Variants in RBFOX2 observed in about 807,000 individuals in gnomAD.
RBFOX2 encodes the protein RNA binding protein fox-1 homolog 2.
RBFOX2 carries 10 observed loss-of-function variants against 49.1 expected under a neutral mutation model. The ratio of observed to expected loss-of-function variants is 0.20; its 90% CI spans 0.13 to 0.35. The LOEUF (loss-of-function observed/expected upper bound fraction) is 0.35, where lower values mean the gene tolerates loss of function less well. Ranked by LOEUF, RBFOX2 falls within the 10% of genes least tolerant of loss-of-function variation. The probability of loss-of-function intolerance (pLI) is 1.00; values close to 1 mark genes in which losing one functional copy is unlikely to be tolerated. For synonymous variants in RBFOX2, 183 were observed against 187.4 expected (o/e 0.98, Z 0.19); for missense variants, 323 against 486.9 (o/e 0.66, Z 3.17).
At chr22:35,919,737 T>C (rs1449384060) in intron 1 of RBFOX2, among the ~76,000 whole-genome samples, 2 of 152,142 alleles carry the variant, frequency 1.3e-5, no homozygotes, top group African/African-American at 4.8e-5. Context: ...GGAGAGTATA[T>C]CACCTCCTTT....
chr22:35,997,927 G>A (rs1026780504), intron 1 of RBFOX2: 1 of 152,220 alleles, frequency 6.6e-6, no homozygotes, highest in African/African-American at 2.4e-5. Context: ...GCTTGAGCCT[G>A]AGAAGTCAAG....
At chr22:35,863,064 CTG>C (rs2043277090) in intron 1 of RBFOX2, among the ~76,000 whole-genome samples, 1 of 152,068 alleles carries the variant, frequency 6.6e-6, no homozygotes, top group African/African-American at 2.4e-5. Flanking sequence ...AACTAGGTAA[CTG>C]TGTTAGGAGG....
At chr22:35,940,266 G>A (rs977881749), upstream of RBFOX2, among the ~76,000 whole-genome samples, 4 of 152,124 alleles carry the variant, frequency 2.6e-5, no homozygotes, top group African/African-American at 9.7e-5. Flanking sequence ...ATAAATAAAT[G>A]GAGCTAAATA....
At chr22:35,902,801 C>T (rs950721031) in intron 1 of RBFOX2, among the ~76,000 whole-genome samples, 2 of 146,760 alleles carry the variant, frequency 1.4e-5, no homozygotes, top group Admixed American at 6.7e-5. Context: ...CATGCCACCA[C>T]GCCCAGCTAA....
At chr22:35,898,418 C>CTTT in intron 1 of RBFOX2, 1 of 377,330 alleles carries the variant, frequency 2.7e-6, no homozygotes, top group Non-Finnish European at 4.8e-6. Context: ...CTCCCACAAT[C>CTTT]CTTTTTTTTT....
chr22:35,738,821 T>A (rs1272286484), exon 12 of RBFOX2: 1 of 152,530 alleles, frequency 6.6e-6, no homozygotes, highest in African/African-American at 2.4e-5. Flanking sequence ...TTAGAGTTTA[T>A]AAAAGCCAGC....
chr22:35,756,078 C>T (rs751346425), intron 9 of RBFOX2, 27 bp downstream of exon 11: 7 of 1,339,052 alleles, frequency 5.2e-6, no homozygotes, highest in Admixed American at 2.9e-5. Context: ...GGGATGGGGT[C>T]GAGAAGGCCC....
intron 1 of RBFOX2, among the ~76,000 whole-genome samples, chr22:35,985,955 GA>G (rs1259885511): frequency 2.1e-5 from 3 of 143,330 alleles, no homozygotes; most frequent in Non-Finnish European, 3.1e-5. Context: ...TAGATAGATA[GA>G]GTCTTCCTCA....
intron 2 of RBFOX2, among the ~76,000 whole-genome samples, chr22:35,796,556 A>T (rs1948823568): frequency 6.6e-6 from 1 of 152,210 alleles, no homozygotes; most frequent in Admixed American, 6.5e-5. Context: ...TTGATAATAC[A>T]TCAAAACTTG....
upstream of RBFOX2, among the ~76,000 whole-genome samples, chr22:35,843,798 G>A (rs2040820617): frequency 6.6e-6 from 1 of 152,110 alleles, no homozygotes; most frequent in Non-Finnish European, 1.5e-5. Flanking sequence ...CAAAGTGCAT[G>A]GTTCCTAACA....
chr22:35,748,682 G>A (rs1016039896), intron 9 of RBFOX2: 1 of 152,012 alleles, frequency 6.6e-6, no homozygotes, highest in Admixed American at 6.6e-5. Flanking sequence ...TTACTCTTTA[G>A]TATTACTCCA....
intron 1 of RBFOX2, among the ~76,000 whole-genome samples, chr22:35,950,455 T>A (rs2054789601): frequency 1.3e-5 from 2 of 152,152 alleles, no homozygotes; most frequent in South Asian, 4.1e-4. Flanking sequence ...TTTCCCTCCA[T>A]CCTAGCTCCT....
rs556079837 is a variant in RBFOX2 at position 35,792,613 on chromosome 22, G to A, written c.253-10867C>T. On this transcript the variant is annotated intron_variant, in intron 2 of 11. Coordinates refer to ENST00000405409, the Ensembl canonical transcript of RBFOX2. Reference sequence around the variant, plus strand: ...TCTAATCTTGCAAACAACCGTAGGCGGAAGGAACTATTATCATCATTTTTA... The same window carrying A: ...TCTAATCTTGCAAACAACCGTAGGCAGAAGGAACTATTATCATCATTTTTA... Among the ~76,000 whole-genome samples the A allele has an allele frequency of 1.2e-4, 18 of 152,156 alleles. No individual in the cohort carries two copies. The South Asian group carries it at 2.5e-3, about 21-fold the overall frequency.
chr22:35,930,420 A>T (rs2052253704), intron 1 of RBFOX2, among the ~76,000 whole-genome samples: 1 of 152,178 alleles, frequency 6.6e-6, no homozygotes, highest in South Asian at 2.1e-4. Context: ...GCAAAGTAAT[A>T]ATATTTTGTT....
chr22:35,886,858 A>G (rs917057900), intron 1 of RBFOX2, among the ~76,000 whole-genome samples: 6 of 152,166 alleles, frequency 3.9e-5, no homozygotes, highest in Non-Finnish European at 5.9e-5. Flanking sequence ...AGAACCAAGA[A>G]GGAGAAAGGG....
intron 1 of RBFOX2, among the ~76,000 whole-genome samples, chr22:35,960,972 A>G (rs925909327): frequency 6.6e-6 from 1 of 152,136 alleles, no homozygotes; most frequent in African/African-American, 2.4e-5. Flanking sequence ...AAAAAAAAAA[A>G]GCAGCCTCTT....
exon 12 of RBFOX2, chr22:35,739,481 C>T (rs1928740681): frequency 6.6e-6 from 1 of 152,446 alleles, no homozygotes; most frequent in South Asian, 2.1e-4. Context: ...ATTCATATCC[C>T]TTAGGGAAAA....
chr22:35,818,563 T>C (rs1953702080), intron 1 of RBFOX2, among the ~76,000 whole-genome samples: 2 of 152,144 alleles, frequency 1.3e-5, no homozygotes, highest in African/African-American at 4.8e-5. Flanking sequence ...GTGGGAGGAC[T>C]GCTTGAGGCC....
chr22:35,827,449 T>C (rs944229359), intron 1 of RBFOX2, among the ~76,000 whole-genome samples: 5 of 152,194 alleles, frequency 3.3e-5, no homozygotes, highest in Admixed American at 6.5e-5. Flanking sequence ...ATGACTTTTT[T>C]CCCCCCATTA....
Sources: allele counts gnomAD v4.1 joint callset (sites outside exome capture counted in the v4.1 genomes callset), GRCh38; gene constraint gnomAD v4.1.1; transcripts MANE v1.5; gene names NCBI Gene and HGNC (gene_info 2026-07-23, HGNC 2026-07-21).